Variants in DKK2 observed in about 807,000 individuals in gnomAD.
The protein encoded by DKK2 is dickkopf-related protein 2.
DKK2 carries 11 observed loss-of-function variants against 28.1 expected under a neutral mutation model. The ratio of observed to expected loss-of-function variants is 0.39; its 90% confidence interval spans 0.25 to 0.65. The LOEUF is 0.65. Ranked by LOEUF, DKK2 falls within the 30% of genes least tolerant of loss-of-function variation. The probability of loss-of-function intolerance (pLI) is 0.47; values close to 1 mark genes in which losing one functional copy is unlikely to be tolerated. For missense variants in DKK2, 326 were observed against 335.5 expected (o/e 0.97, Z 0.22); for synonymous variants, 135 against 126.5 (o/e 1.07, Z -0.45).
At chr4:107,009,408 G>A (rs576958110) in intron 1 of DKK2, among the ~76,000 whole-genome samples, 1 of 152,110 alleles carries the variant, frequency 6.6e-6, no homozygotes, top group Non-Finnish European at 1.5e-5. Flanking sequence ...GCACAGCCGA[G>A]TGAGCTTGGA....
rs1220021569 is a variant in DKK2 at position 106,945,213 on chromosome 4, C to T, written c.223-19264G>A. On this transcript the variant is annotated intron_variant, in intron 1 of 3. Transcript: ENST00000285311. ...CATCCTACAGTAAAGAGAATTGGAA[C>T]TGTACTTTTATTAATGGCACATTGA... Among the ~76,000 whole-genome samples, 4 of 152,230 alleles carry T rather than the reference C, an allele frequency of 2.6e-5. No individual in the cohort carries two copies. In the South Asian group the frequency reaches 8.3e-4, roughly 32 times the overall value.
At chr4:106,999,324 T>C (rs1723322282) in intron 1 of DKK2, among the ~76,000 whole-genome samples, 1 of 152,212 alleles carries the variant, frequency 6.6e-6, no homozygotes, top group Non-Finnish European at 1.5e-5. Context: ...GTACATTATG[T>C]GCATATACCA....
intron 1 of DKK2, among the ~76,000 whole-genome samples, chr4:107,027,897 G>A (rs552091041): frequency 2.1e-4 from 32 of 151,814 alleles, no homozygotes; most frequent in Non-Finnish European, 5.9e-5. Flanking sequence ...GACTACAGGC[G>A]CCTGCCACCA....
intron 1 of DKK2, among the ~76,000 whole-genome samples, chr4:106,947,650 GATTA>G (rs1472091296): frequency 4.6e-5 from 7 of 150,622 alleles, no homozygotes; most frequent in Non-Finnish European, 7.4e-5. Context: ...TAAAAAAATT[GATTA>G]ATTATCTTTT....
chr4:106,990,812 G>A (rs1560587418), intron 1 of DKK2, among the ~76,000 whole-genome samples: 1 of 151,952 alleles, frequency 6.6e-6, no homozygotes, highest in Non-Finnish European at 1.5e-5. Flanking sequence ...CTATGGCACT[G>A]AATAGAATGG....
chr4:107,033,345 T>G (rs552801646), intron 1 of DKK2, among the ~76,000 whole-genome samples: 1 of 152,196 alleles, frequency 6.6e-6, no homozygotes, highest in African/African-American at 2.4e-5. Context: ...AATTCTCAAT[T>G]TAAGGCGATG....
At chr4:107,004,627 G>A (rs1156737553) in intron 1 of DKK2, among the ~76,000 whole-genome samples, 3 of 152,174 alleles carry the variant, frequency 2.0e-5, no homozygotes, top group African/African-American at 7.2e-5. Context: ...GTTATGGTAG[G>A]CAGAATAATA....
chr4:107,005,450 A>AT (rs1385285282), intron 1 of DKK2, among the ~76,000 whole-genome samples: 1 of 152,040 alleles, frequency 6.6e-6, no homozygotes, highest in Non-Finnish European at 1.5e-5. Flanking sequence ...AAAAAATATA[A>AT]TTTTTTTAAA....
intron 1 of DKK2, among the ~76,000 whole-genome samples, chr4:106,967,879 G>A (rs1722806768): frequency 6.6e-6 from 1 of 150,612 alleles, no homozygotes; most frequent in Non-Finnish European, 1.5e-5. Context: ...GGAAGCAAAA[G>A]GAGAAGAAGG....
At chr4:107,034,510 G>A (rs918538277) in intron 1 of DKK2, among the ~76,000 whole-genome samples, 1 of 152,144 alleles carries the variant, frequency 6.6e-6, no homozygotes, top group South Asian at 2.1e-4. Context: ...ATAACAGTTT[G>A]CAAGTGGCTT....
At chr4:107,002,520 C>T (rs907645993) in intron 1 of DKK2, among the ~76,000 whole-genome samples, 4 of 151,970 alleles carry the variant, frequency 2.6e-5, no homozygotes, top group Admixed American at 1.3e-4. Context: ...AAATGTTTAT[C>T]TGCTAGAGGG....
chr4:106,957,912 AAATTAATTAATT>A (rs539263383), intron 1 of DKK2, among the ~76,000 whole-genome samples: 1 of 150,640 alleles, frequency 6.6e-6, no homozygotes, highest in Non-Finnish European at 1.5e-5. Flanking sequence ...ATAATAATTA[AAATTAATTAATT>A]AATTAATTAA....
chr4:106,975,446 C>T (rs1399028142), intron 1 of DKK2, among the ~76,000 whole-genome samples: 8 of 151,936 alleles, frequency 5.3e-5, no homozygotes, highest in Non-Finnish European at 7.4e-5. Flanking sequence ...TTCAGGGATT[C>T]GACTCTTCCT....
At chr4:106,974,932 T>C (rs76533635) in intron 1 of DKK2, among the ~76,000 whole-genome samples, 5 of 152,220 alleles carry the variant, frequency 3.3e-5, no homozygotes, top group African/African-American at 1.2e-4. Flanking sequence ...AACTAGTTTA[T>C]TGACAGCTTT....
In DKK2 at chr4:106,986,722, G is replaced by A. The variant is rs553357881; in HGVS notation, c.222+48648C>T. Among the ~76,000 whole-genome samples the A allele has an allele frequency of 8.5e-5, 13 of 152,236 alleles. No individual in the cohort carries two copies. The South Asian group carries it at 2.7e-3, about 32-fold the overall frequency. ...GAGCCTACAGTCTTCCTAATTCGAA[G>A]CAGCTGGTACATTCTAAATATGGAG... On this transcript the variant is annotated intron_variant, in intron 1 of 3. Transcript: ENST00000285311.
At chr4:106,954,545 G>A (rs760264775) in intron 1 of DKK2, among the ~76,000 whole-genome samples, 25 of 151,770 alleles carry the variant, frequency 1.6e-4, no homozygotes, top group South Asian at 6.2e-4. Flanking sequence ...GTTTTGAGAC[G>A]GAGTCTCACT....
intron 1 of DKK2, among the ~76,000 whole-genome samples, chr4:106,977,257 C>G (rs564442993): frequency 6.6e-6 from 1 of 152,202 alleles, no homozygotes; most frequent in Admixed American, 6.5e-5. Context: ...GTGGTGTTCT[C>G]TGTATTTCCC....
At chr4:106,924,485 T>C (rs1263136169) in intron 3 of DKK2, 60 bp downstream of exon 3, 1 of 1,545,040 alleles carries the variant, frequency 6.5e-7, no homozygotes, top group African/African-American at 1.4e-5. Context: ...GAATTAATTA[T>C]CTATATTTTT....
intron 1 of DKK2, among the ~76,000 whole-genome samples, chr4:106,994,441 C>A (rs1560588100): frequency 6.6e-6 from 1 of 151,760 alleles, no homozygotes; most frequent in African/African-American, 2.4e-5. Flanking sequence ...GTCTCTCTCG[C>A]TCTCTTTTCC....
Sources: allele counts gnomAD v4.1 joint callset (sites outside exome capture counted in the v4.1 genomes callset), GRCh38; gene constraint gnomAD v4.1.1; transcripts MANE v1.5; gene names NCBI Gene and HGNC (gene_info 2026-07-23, HGNC 2026-07-21).